IL15: variants seen among roughly 807,000 people sequenced by gnomAD.
IL15 encodes interleukin-15.
IL15 carries 11 observed loss-of-function variants against 19.6 expected under a neutral mutation model. That is an observed-to-expected ratio of 0.56 (90% CI 0.35 to 0.93). The LOEUF is 0.93. IL15 is among the 40% of genes least tolerant of loss of function. The pLI is 0.01. For missense variants in IL15, 197 were observed against 186.5 expected (o/e 1.06, Z -0.33); for synonymous variants, 58 against 59.6 (o/e 0.97, Z 0.12).
At chr4:141,679,508 G>T (rs1309402329) in intron 2 of IL15, among the ~76,000 whole-genome samples, 4 of 151,930 alleles carry the variant, frequency 2.6e-5, no homozygotes, top group Non-Finnish European at 5.9e-5. Context: ...TCAATTTTTT[G>T]TATACTCTTG....
intron 4 of IL15, 190 bp from the exon 5 acceptor site, chr4:141,721,734 A>T: frequency 5.0e-6 from 3 of 604,846 alleles, no homozygotes; most frequent in Admixed American, 3.1e-5. Flanking sequence ...AAGTTATCAT[A>T]AAATGCCAAA....
intron 7 of IL15, among the ~76,000 whole-genome samples, chr4:141,731,466 T>C (rs1047627725): frequency 6.6e-6 from 1 of 152,206 alleles, no homozygotes; most frequent in African/African-American, 2.4e-5. Flanking sequence ...TATGATGTTA[T>C]CTCCATCTTA....
chr4:141,699,818 A>G (rs566793016), intron 2 of IL15, among the ~76,000 whole-genome samples: 20 of 152,312 alleles, frequency 1.3e-4, no homozygotes, highest in African/African-American at 4.8e-4. Context: ...ATTTACATTC[A>G]TCATTAATAT....
chr4:141,683,388 C>T (rs1032635704), intron 2 of IL15, among the ~76,000 whole-genome samples: 3 of 151,730 alleles, frequency 2.0e-5, no homozygotes, highest in Non-Finnish European at 2.9e-5. Flanking sequence ...CTGCGCAACA[C>T]GGTGAAACCC....
chr4:141,702,088 C>G (rs1188539362), intron 2 of IL15, among the ~76,000 whole-genome samples: 2 of 152,206 alleles, frequency 1.3e-5, no homozygotes, highest in Non-Finnish European at 2.9e-5. Context: ...CAAGACCCTT[C>G]ATGATCACAG....
At chr4:141,686,337 T>TAAAC (rs35799883) in intron 2 of IL15, among the ~76,000 whole-genome samples, 2 of 151,278 alleles carry the variant, frequency 1.3e-5, no homozygotes, top group Non-Finnish European at 2.9e-5. Context: ...AATAAATAAA[T>TAAAC]AAAAGGTGGG....
chr4:141,693,743 T>C (rs1239388120), intron 2 of IL15, among the ~76,000 whole-genome samples: 1 of 152,174 alleles, frequency 6.6e-6, no homozygotes, highest in East Asian at 1.9e-4. Context: ...ATTTCATTAG[T>C]CATTTGAAAC....
chr4:141,639,757 C>T (rs568099346), intron 1 of IL15, among the ~76,000 whole-genome samples: 3 of 152,160 alleles, frequency 2.0e-5, no homozygotes, highest in Admixed American at 6.5e-5. Flanking sequence ...TTTACTTACC[C>T]GTTGATTACA....
chr4:141,658,861 A>ATT (rs5862540), intron 2 of IL15, among the ~76,000 whole-genome samples: 2 of 136,660 alleles, frequency 1.5e-5, no homozygotes, highest in Non-Finnish European at 1.6e-5. Context: ...GTTTCTTGGA[A>ATT]TTTTTTTTTT....
intron 1 of IL15, among the ~76,000 whole-genome samples, chr4:141,652,767 A>C (rs1366713939): frequency 6.6e-6 from 1 of 152,182 alleles, no homozygotes; most frequent in East Asian, 1.9e-4. Context: ...GCTTAGTAAA[A>C]GATTAGCTGT....
At chr4:141,691,168 C>T (rs1246376968) in intron 2 of IL15, among the ~76,000 whole-genome samples, 1 of 16,576 alleles carries the variant, frequency 6.0e-5, no homozygotes, top group Admixed American at 7.5e-4. Context: ...GAGAAACTGC[C>T]AATTTTAAAC....
intron 4 of IL15, chr4:141,721,287 T>C (rs1229607476): frequency 1.5e-6 from 1 of 686,570 alleles, no homozygotes; most frequent in Non-Finnish European, 2.6e-6. Context: ...ATTCCAATGT[T>C]ACTTGGTCAG....
chr4:141,706,321 A>G (rs747802612), intron 2 of IL15, among the ~76,000 whole-genome samples: 1 of 151,838 alleles, frequency 6.6e-6, no homozygotes. Flanking sequence ...ACATAAAAAT[A>G]CTCCAGATGT....
At chr4:141,704,627 A>G (rs1320763590) in intron 2 of IL15, 6 of 360,516 alleles carry the variant, frequency 1.7e-5, no homozygotes, top group African/African-American at 6.4e-5. Flanking sequence ...TGGTGTTAGT[A>G]CTTTATATAT....
chr4:141,666,097 T>TTTATTTATTTATTTAC (rs1387573455), intron 2 of IL15, among the ~76,000 whole-genome samples: 18 of 148,864 alleles, frequency 1.2e-4, no homozygotes, highest in African/African-American at 4.4e-4. Flanking sequence ...TATTTATTTA[T>TTTATTTATTTATTTAC]TTATTTATTT....
chr4:141,674,378 G>T (rs1414963744), intron 2 of IL15, among the ~76,000 whole-genome samples: 1 of 152,136 alleles, frequency 6.6e-6, no homozygotes, highest in Non-Finnish European at 1.5e-5. Flanking sequence ...TGAGGTAGAA[G>T]TAATACCCTA....
intron 2 of IL15, among the ~76,000 whole-genome samples, chr4:141,698,209 C>G (rs2131414): frequency 0.12 from 17,502 of 152,006 alleles, 1,091 homozygotes; most frequent in Non-Finnish European, 0.15. Context: ...GATGTATTAT[C>G]TTTTTGATAT....
intron 3 of IL15, among the ~76,000 whole-genome samples, chr4:141,719,886 A>G (rs1281282543): frequency 6.6e-6 from 1 of 152,170 alleles, no homozygotes; most frequent in Non-Finnish European, 1.5e-5. Context: ...GGCAGGTGAA[A>G]GTACCAAAAC....
intron 1 of IL15, among the ~76,000 whole-genome samples, chr4:141,641,184 C>T (rs1256558908): frequency 2.0e-5 from 3 of 152,062 alleles, no homozygotes; most frequent in African/African-American, 7.2e-5. Flanking sequence ...TTCTATTTTC[C>T]TGACTCATCT....
Sources: allele counts gnomAD v4.1 joint callset (sites outside exome capture counted in the v4.1 genomes callset), GRCh38; gene constraint gnomAD v4.1.1; transcripts MANE v1.5; gene names NCBI Gene and HGNC (gene_info 2026-07-23, HGNC 2026-07-21).